The following TMPRSS11A variants were observed in gnomAD, a reference collection of about 807,000 sequenced individuals.
The protein encoded by TMPRSS11A is transmembrane protease serine 11A.
A neutral mutation model predicts 58.9 loss-of-function variants in TMPRSS11A; 53 were observed. That is an observed-to-expected ratio of 0.90 (90% CI 0.72 to 1.13). The LOEUF (loss-of-function observed/expected upper bound fraction) is 1.13. Ranked by LOEUF, TMPRSS11A falls within the 50% of genes most tolerant of loss-of-function variation. The pLI is 0.00. For missense variants in TMPRSS11A, 493 were observed against 499.3 expected (o/e 0.99, Z 0.12); for synonymous variants, 167 against 169.8 (o/e 0.98, Z 0.13).
At chr4:67,926,732 G>A (rs1720482200) in intron 5 of TMPRSS11A, among the ~76,000 whole-genome samples, 1 of 152,196 alleles carries the variant, frequency 6.6e-6, no homozygotes, top group South Asian at 2.1e-4. Flanking sequence ...TGCCACCCTG[G>A]GAGCTACCAC....
chr4:67,933,183 A>G (rs1395904090), intron 3 of TMPRSS11A, among the ~76,000 whole-genome samples: 1 of 152,092 alleles, frequency 6.6e-6, no homozygotes, highest in African/African-American at 2.4e-5. Context: ...CTTCCTTAGC[A>G]TGCTCAGGAA....
intron 3 of TMPRSS11A, among the ~76,000 whole-genome samples, chr4:67,938,614 T>C (rs1290509049): frequency 1.3e-5 from 2 of 152,144 alleles, no homozygotes; most frequent in African/African-American, 4.8e-5. Context: ...TCCAATTTCA[T>C]TTTTCTGCTT....
rs752073274 is a variant in TMPRSS11A, at chr4:67,925,607, G to A, written c.482-1441C>T. On this transcript the variant is annotated intron_variant, in intron 5 of 9. Coordinates refer to ENST00000508048, the MANE Select transcript of TMPRSS11A (RefSeq NM_001114387.2). ...GCATCCCAAATCATTGTATGGTGAA[G>A]AGTCAATTGCTCAGGACCATCGATT... Among the ~76,000 whole-genome samples the A allele has an allele frequency of 2.0e-5, 3 of 152,192 alleles. No homozygotes were observed. The East Asian group carries it at 5.8e-4, about 29-fold the overall frequency.
chr4:67,911,665 G>A (rs373636400), intron 9 of TMPRSS11A, among the ~76,000 whole-genome samples, 162 bp from the exon 10 acceptor site: 1 of 152,024 alleles, frequency 6.6e-6, no homozygotes, highest in East Asian at 1.9e-4. Flanking sequence ...ATTACAAAGA[G>A]CCTTAAGGTT....
chr4:67,930,829 T>TTTTTATAAAA (rs1265700805), intron 4 of TMPRSS11A, among the ~76,000 whole-genome samples: 1 of 90,158 alleles, frequency 1.1e-5, no homozygotes, highest in African/African-American at 4.7e-5. Flanking sequence ...TTTTTTTTTT[T>TTTTTATAAAA]ACAAAAAAAA....
At chr4:67,943,704 T>C (rs1194583297) in intron 3 of TMPRSS11A, among the ~76,000 whole-genome samples, 1 of 152,144 alleles carries the variant, frequency 6.6e-6, no homozygotes, top group Non-Finnish European at 1.5e-5. Flanking sequence ...AAAATAGAGA[T>C]TATAAACTCT....
intron 7 of TMPRSS11A, 63 bp from the exon 8 acceptor site, chr4:67,919,295 A>G (rs1380754827): frequency 6.8e-7 from 1 of 1,469,442 alleles, no homozygotes; most frequent in African/African-American, 1.4e-5. Context: ...AGCTAGATTA[A>G]TTGCATTTAG....
At chr4:67,925,618 T>G (rs1720446742) in intron 5 of TMPRSS11A, among the ~76,000 whole-genome samples, 2 of 152,210 alleles carry the variant, frequency 1.3e-5, no homozygotes. Context: ...AGTCAATTGC[T>G]CAGGACCATC....
chr4:67,917,569 A>T (rs1560562961), intron 8 of TMPRSS11A, among the ~76,000 whole-genome samples: 1 of 152,138 alleles, frequency 6.6e-6, no homozygotes, highest in Non-Finnish European at 1.5e-5. Context: ...TAATGTACTT[A>T]ACAGATTAAG....
intron 1 of TMPRSS11A, among the ~76,000 whole-genome samples, chr4:67,953,103 G>A (rs1471388022): frequency 6.6e-6 from 1 of 152,144 alleles, no homozygotes; most frequent in African/African-American, 2.4e-5. Context: ...TAGGGTTCAT[G>A]CCTCTATGGG....
At position 67,934,138 on chromosome 4, in the gene TMPRSS11A, T is replaced by C. The variant is rs1455573121; in HGVS notation, c.253-2078A>G. On this transcript the variant is annotated intron_variant, in intron 3 of 9. Transcript: ENST00000508048. ...CCTTCTTTATAAAATTCTAGGACTCTCTCTCTAGAAAAGTCTCATTTACTA... is the reference window on the plus strand; with the variant it reads ...CCTTCTTTATAAAATTCTAGGACTCCCTCTCTAGAAAAGTCTCATTTACTA... Among the ~76,000 whole-genome samples the C allele has an allele frequency of 2.0e-5, 3 of 152,170 alleles. No individual in the cohort carries two copies. The East Asian group carries it at 5.8e-4, about 29-fold the overall frequency.
At chr4:67,921,598 C>T (rs1328138540) in intron 7 of TMPRSS11A, among the ~76,000 whole-genome samples, 3 of 152,140 alleles carry the variant, frequency 2.0e-5, no homozygotes, top group Admixed American at 2.0e-4. Flanking sequence ...CATGAGCCAC[C>T]ATGCCAAGCC....
chr4:67,932,216 T>C (rs1720644608), intron 3 of TMPRSS11A, among the ~76,000 whole-genome samples, 156 bp from the exon 4 acceptor site: 1 of 152,158 alleles, frequency 6.6e-6, no homozygotes. Context: ...AACAGAATCA[T>C]TTGATGAATT....
chr4:67,911,310 T>C lies in TMPRSS11A; in HGVS notation c.*32A>G. The C allele has an allele frequency of 2.5e-6, 4 of 1,609,662 alleles. No homozygotes were observed. The highest frequency in any genetic ancestry group is 3.4e-6 in the Non-Finnish European group (4 of 1,176,828). ...AATTCTCATGCATATATGACCTGCA[T>C]ACAGCTTTCTTTGTTTAACTTTTAT... On this transcript the variant is annotated 3_prime_UTR_variant, in exon 10 of 10. Transcript: ENST00000508048.
intron 7 of TMPRSS11A, among the ~76,000 whole-genome samples, chr4:67,920,582 C>CAT (rs1047637620): frequency 1.9e-4 from 27 of 140,778 alleles, no homozygotes; most frequent in African/African-American, 6.6e-4. Context: ...CACATATATG[C>CAT]ATATATATAC....
At chr4:67,951,842 G>C (rs1335862971) in intron 1 of TMPRSS11A, among the ~76,000 whole-genome samples, 2 of 152,190 alleles carry the variant, frequency 1.3e-5, no homozygotes, top group Non-Finnish European at 2.9e-5. Flanking sequence ...ATTTCACCTA[G>C]AAAGCTTTGC....
intron 1 of TMPRSS11A, among the ~76,000 whole-genome samples, chr4:67,962,155 C>T (rs1361699433): frequency 6.6e-6 from 1 of 151,976 alleles, no homozygotes; most frequent in Non-Finnish European, 1.5e-5. Context: ...ATATTTACAT[C>T]TGCTTGCCCA....
At chr4:67,939,655 A>G (rs1410382843) in intron 3 of TMPRSS11A, among the ~76,000 whole-genome samples, 2 of 152,004 alleles carry the variant, frequency 1.3e-5, no homozygotes, top group South Asian at 4.1e-4. Flanking sequence ...CTTTTTCTAC[A>G]TATATTGAGA....
chr4:67,924,220 T>C, intron 5 of TMPRSS11A, 54 bp from the exon 6 acceptor site: 1 of 1,477,954 alleles, frequency 6.8e-7, no homozygotes, highest in South Asian at 1.1e-5. Flanking sequence ...CTGGTTGGTC[T>C]CAATGACCAG....
Sources: gnomAD v4.1 joint callset for allele counts (sites outside exome capture counted in the v4.1 genomes callset) on GRCh38, gnomAD v4.1.1 for gene constraint, MANE v1.5 for transcripts, NCBI Gene and HGNC (gene_info 2026-07-23, HGNC 2026-07-21) for gene names.